SYTL2: variants seen among roughly 807,000 people sequenced by gnomAD.
The protein encoded by SYTL2 is synaptotagmin like 2, also known as synaptotagmin-like protein 2.
In SYTL2, 165 loss-of-function variants were observed where a neutral mutation model predicts 198.7. The ratio of observed to expected loss-of-function variants is 0.83; its 90% CI spans 0.73 to 0.94. The LOEUF is 0.94. Among genes scored for constraint, SYTL2 ranks in the 40% least tolerant of loss-of-function variants. SYTL2 has a pLI of 0.00. For synonymous variants in SYTL2, 966 were observed against 917.7 expected (o/e 1.05, Z -0.95); for missense variants, 2,835 against 2,582.8 (o/e 1.10, Z -2.12).
chr11:85,695,216 C>A lies in SYTL2; in HGVS notation c.6699G>T (p.Leu2233Phe). The change falls in exon 20 of 20, where the codon TTG becomes TTT. Residue 2233 changes from leucine (L) to phenylalanine (F), a missense_variant. Coordinates refer to ENST00000359152, the MANE Select transcript of SYTL2 (RefSeq NM_206927.4). ...IEATLPLRMLLIAKISK is the reference protein window; with the variant it reads ...IEATLPLRMLFIAKISK ...GGGCTCATTTGGAAATCTTGGCAAT[C>A]AAAAGCATTCTGAGAGGCAGTGTTG... 1 of 1,612,076 alleles carries A rather than the reference C, an allele frequency of 6.2e-7. No homozygotes were observed. Among genetic ancestry groups the A allele is most frequent in the Non-Finnish European group, 8.5e-7 (1 of 1,178,910 alleles).
the SYTL2 span, among the ~76,000 whole-genome samples, chr11:85,824,282 C>T: frequency 2.6e-5 from 4 of 152,016 alleles, no homozygotes; most frequent in South Asian, 2.1e-4. Flanking sequence ...TGAAGGTCCA[C>T]GGCAAACTTG....
chr11:85,830,882 T>TA, the SYTL2 span, among the ~76,000 whole-genome samples: 1 of 152,168 alleles, frequency 6.6e-6, no homozygotes, highest in African/African-American at 2.4e-5. Context: ...ATCACTTCCT[T>TA]AAAAAACTAC....
chr11:85,774,727 A>G (rs2092421874), intron 1 of SYTL2, among the ~76,000 whole-genome samples: 1 of 152,274 alleles, frequency 6.6e-6, no homozygotes, highest in Non-Finnish European at 1.5e-5. Flanking sequence ...CTATACCCTC[A>G]TGAACAACAA....
At position 85,695,583 on chromosome 11, in the gene SYTL2, G is replaced by A. The variant is rs540034524; in HGVS notation, c.6575-243C>T. On this transcript the variant is annotated intron_variant, in intron 19 of 19. Transcript: ENST00000359152. ...CTTCAAGTTAATGTAAAGGCCAGATGAAAATTCATCAGGGAATAAGGGAGT... is the reference window on the plus strand; with the variant it reads ...CTTCAAGTTAATGTAAAGGCCAGATAAAAATTCATCAGGGAATAAGGGAGT... Among the ~76,000 whole-genome samples, 3 of 152,300 alleles carry A rather than the reference G, an allele frequency of 2.0e-5. No individual in the cohort carries two copies. The South Asian group carries it at 6.2e-4, about 32-fold the overall frequency.
chr11:85,716,475 C>T (rs1382653024), intron 11 of SYTL2: 1 of 152,204 alleles, frequency 6.6e-6, no homozygotes, highest in African/African-American at 2.4e-5. Context: ...TTTCCCACTA[C>T]ATGTCACTGA....
chr11:85,841,469 C>T, the SYTL2 span, among the ~76,000 whole-genome samples: 1 of 152,202 alleles, frequency 6.6e-6, no homozygotes, highest in African/African-American at 2.4e-5. Context: ...CACACATACA[C>T]CATGGAATAC....
rs117808257 is a variant in SYTL2 at position 85,775,511 on chromosome 11, C to T, written c.-389-17397G>A. Among the ~76,000 whole-genome samples, 26 of 152,232 alleles carry T rather than the reference C, an allele frequency of 1.7e-4. 1 individual carries two copies. In the East Asian group the frequency reaches 4.8e-3, roughly 28 times the overall value. ...TTATTTATTTATTTAGAGACAGAGTCCCACTCTATCATCCAGGCTAGAGTA... is the reference window on the plus strand; with the variant it reads ...TTATTTATTTATTTAGAGACAGAGTTCCACTCTATCATCCAGGCTAGAGTA... On this transcript the variant is annotated intron_variant, in intron 1 of 19. Coordinates refer to ENST00000359152, the MANE Select transcript of SYTL2 (RefSeq NM_206927.4).
At chr11:85,697,076 CTGACTGACTTGG>C (rs1205898309) in intron 18 of SYTL2, among the ~76,000 whole-genome samples, 2 of 152,152 alleles carry the variant, frequency 1.3e-5, no homozygotes, top group Non-Finnish European at 2.9e-5. Context: ...CAGAATGTGA[CTGACTGACTTGG>C]TCTTAGAATG....
chr11:85,779,155 T>C (rs1214336250), intron 1 of SYTL2, among the ~76,000 whole-genome samples: 1 of 152,118 alleles, frequency 6.6e-6, no homozygotes, highest in Non-Finnish European at 1.5e-5. Context: ...GACCTATTAT[T>C]ACATAGAAAA....
intron 1 of SYTL2, among the ~76,000 whole-genome samples, chr11:85,795,424 A>C (rs2092789444): frequency 6.6e-6 from 1 of 152,198 alleles, no homozygotes; most frequent in Admixed American, 6.5e-5. Flanking sequence ...ACTTACGCCC[A>C]GTAGCCTGAG....
chr11:85,761,370 G>A (rs572955875), intron 1 of SYTL2, among the ~76,000 whole-genome samples: 36 of 152,276 alleles, frequency 2.4e-4, no homozygotes, highest in African/African-American at 8.7e-4. Context: ...AAGCCATGCA[G>A]ATATCCCAGG....
intron 2 of SYTL2, among the ~76,000 whole-genome samples, chr11:85,750,385 G>A (rs148732585): frequency 7.9e-5 from 12 of 152,242 alleles, no homozygotes; most frequent in Admixed American, 2.0e-4. Flanking sequence ...TGTCCAGCCC[G>A]TTGCTCCTCA....
At chr11:85,778,156 T>G (rs17148464) in intron 1 of SYTL2, among the ~76,000 whole-genome samples, 8,695 of 152,136 alleles carry the variant, frequency 0.057, 787 homozygotes, top group African/African-American at 0.19. Context: ...AACCTGCAGA[T>G]TCCAATTTAT....
At position 85,714,441 on chromosome 11, in the gene SYTL2, T is replaced by C. The variant is rs1043054081; in HGVS notation, c.5597A>G (p.Lys1866Arg). ...SHPDKLKRMS[K>R]SVPAFLQDES... Reference sequence around the variant, plus strand: ...ATCTTGGAGAAATGCTGGAACAGACTTGCTCATCCTTTTGAGTTTGTCAGG... The same window carrying C: ...ATCTTGGAGAAATGCTGGAACAGACCTGCTCATCCTTTTGAGTTTGTCAGG... Residue 1866 changes from lysine (K) to arginine (R), a missense_variant, in exon 12 of 20, where the codon AAG becomes AGG. By Grantham distance (26) the Lys-to-Arg change is conservative. Around this residue, in one of 3 missense-constraint regions of SYTL2, gnomAD observed 2,645 missense variants for 2,381.7 expected, o/e 1.11. Transcript: ENST00000359152. 7 of 1,613,644 alleles carry C rather than the reference T, an allele frequency of 4.3e-6. No homozygotes were observed. Among genetic ancestry groups the C allele is most frequent in the African/African-American group, 2.7e-5 (2 of 74,914 alleles).
rs773810348 is a variant in SYTL2 at position 85,736,467 on chromosome 11, A to AT, written c.586+33dup. 4 of 1,152,236 alleles carry AT rather than the reference A, an allele frequency of 3.5e-6. No individual in the cohort carries two copies. In the South Asian group the frequency reaches 5.5e-5, roughly 16 times the overall value. 71.4% of individuals were successfully genotyped at this position (1,152,236 alleles called of 1,614,324 possible). A position where few individuals can be genotyped will look rare whatever the true frequency, so the allele number is the denominator to read the frequency against. ...TTCCCTTAGTCCACAGATAACAAAG[A>AT]TAAAAAAATCAAGTTCATAAAAATA... On this transcript the variant is annotated intron_variant, in intron 6 of 19. Transcript: ENST00000359152.
At chr11:85,712,377 A>G (rs1177722459) in intron 12 of SYTL2, among the ~76,000 whole-genome samples, 1 of 152,160 alleles carries the variant, frequency 6.6e-6, no homozygotes, top group African/African-American at 2.4e-5. Context: ...TCATTAGTGA[A>G]TTATTGGAAG....
chr11:85,719,102 T>A (rs979016821), intron 9 of SYTL2: 2 of 1,485,744 alleles, frequency 1.3e-6, no homozygotes, highest in Non-Finnish European at 1.8e-6. Flanking sequence ...GAGGGTTAGT[T>A]CAGAGCAAGC....
At chr11:85,729,939 C>G (rs1223210418) in intron 7 of SYTL2, among the ~76,000 whole-genome samples, 1 of 152,126 alleles carries the variant, frequency 6.6e-6, no homozygotes, top group Non-Finnish European at 1.5e-5. Flanking sequence ...GAAATACAAA[C>G]CACCATCAGA....
intron 1 of SYTL2, among the ~76,000 whole-genome samples, chr11:85,793,839 A>G (rs973489901): frequency 6.6e-6 from 1 of 152,234 alleles, no homozygotes; most frequent in Admixed American, 6.5e-5. Context: ...GCATTTCCAC[A>G]TTGTTTTAGT....
Sources: gnomAD v4.1 joint callset for allele counts (sites outside exome capture counted in the v4.1 genomes callset) on GRCh38, gnomAD v4.1.1 for gene constraint, gnomAD v4.1.1 regional missense constraint, MANE v1.5 for transcripts, NCBI Gene and HGNC (gene_info 2026-07-23, HGNC 2026-07-21) for gene names.